Variants in EYA1 observed in about 807,000 individuals in gnomAD.
EYA1 encodes the protein EYA transcriptional coactivator and phosphatase 1.
EYA1 carries 16 observed loss-of-function variants against 82.0 expected under a neutral mutation model. The observed-to-expected ratio is 0.20, with a 90% CI of 0.13 to 0.30. The LOEUF (loss-of-function observed/expected upper bound fraction) is 0.30, where lower values mean the gene tolerates loss of function less well. Among genes scored for constraint, EYA1 ranks in the 10% least tolerant of loss-of-function variants. The pLI is 1.00. For synonymous variants in EYA1, 261 were observed against 264.4 expected (o/e 0.99, Z 0.12); for missense variants, 633 against 730.7 (o/e 0.87, Z 1.54).
intron 2 of EYA1, among the ~76,000 whole-genome samples, chr8:71,527,242 G>A (rs1348658874): frequency 6.6e-6 from 1 of 152,154 alleles, no homozygotes; most frequent in African/African-American, 2.4e-5. Flanking sequence ...ACCAAACTGA[G>A]TACTTGAGTT....
intron 4 of EYA1, among the ~76,000 whole-genome samples, chr8:71,323,741 C>T (rs139159732): frequency 1.6e-4 from 25 of 152,168 alleles, no homozygotes; most frequent in East Asian, 1.2e-3. Context: ...GCTGCACGTG[C>T]GAAGGTGCAA....
chr8:71,314,989 C>CT lies in EYA1; in HGVS notation c.556+2562dup, dbSNP rs11287424. Among the ~76,000 whole-genome samples, 94 of 151,920 alleles carry CT rather than the reference C, an allele frequency of 6.2e-4. 1 individual carries two copies. Among genetic ancestry groups the CT allele is most frequent in the African/African-American group, 2.2e-3 (92 of 41,434 alleles). ...TTCCTTTTCTACTCATTCATTTCCC[C>CT]TTTTTTATGCACTATACTGTAATGG... is the stretch of plus-strand genomic sequence containing the variant. On this transcript the variant is annotated intron_variant, in intron 7 of 17. Coordinates refer to ENST00000340726, the MANE Select transcript of EYA1 (RefSeq NM_000503.6).
At position 71,322,350 on chromosome 8, in the gene EYA1, A is replaced by T. The variant is rs1021568926; in HGVS notation, c.203-82T>A. Reference sequence around the variant, plus strand: ...ATATAGAAAGCACTGACATATTTTCAACTATAGGTTGGCCATATGAAATTT... The same window carrying T: ...ATATAGAAAGCACTGACATATTTTCTACTATAGGTTGGCCATATGAAATTT... On this transcript the variant is annotated intron_variant, in intron 4 of 17. Coordinates refer to ENST00000340726, the MANE Select transcript of EYA1 (RefSeq NM_000503.6). The T allele has an allele frequency of 3.3e-6, 4 of 1,221,570 alleles. No individual in the cohort carries two copies. The African/African-American group carries it at 5.9e-5, about 18-fold the overall frequency. The allele number at this position is 1,221,570 out of a possible 1,614,324, so 75.7% of individuals were successfully genotyped here. A position where few individuals can be genotyped will look rare whatever the true frequency, so the allele number is the denominator to read the frequency against.
At chr8:71,394,839 G>C (rs1162756791) in intron 2 of EYA1, among the ~76,000 whole-genome samples, 1 of 152,162 alleles carries the variant, frequency 6.6e-6, no homozygotes, top group Non-Finnish European at 1.5e-5. Flanking sequence ...AAAGTCATTG[G>C]TAGCTTGATG....
chr8:71,347,518 T>C (rs796903827), intron 3 of EYA1, among the ~76,000 whole-genome samples: 16 of 152,110 alleles, frequency 1.1e-4, no homozygotes, highest in African/African-American at 3.9e-4. Flanking sequence ...GAGACGGGGT[T>C]TCACCTTGTT....
intron 4 of EYA1, among the ~76,000 whole-genome samples, chr8:71,330,146 T>C (rs936165788): frequency 1.3e-5 from 2 of 152,168 alleles, no homozygotes; most frequent in African/African-American, 4.8e-5. Flanking sequence ...GTGGGCTTTT[T>C]AAGGATTTGG....
At chr8:71,256,401 A>G (rs548135090) in intron 11 of EYA1, among the ~76,000 whole-genome samples, 16 of 152,354 alleles carry the variant, frequency 1.1e-4, no homozygotes, top group African/African-American at 3.6e-4. Context: ...CTGACATGTT[A>G]TAACACGGAT....
At chr8:71,276,175 G>C (rs1421708580) in intron 9 of EYA1, among the ~76,000 whole-genome samples, 1 of 152,164 alleles carries the variant, frequency 6.6e-6, no homozygotes, top group Non-Finnish European at 1.5e-5. Context: ...TTAGTAACAT[G>C]GTCGATTACA....
chr8:71,246,232 T>C lies in EYA1; in HGVS notation c.1051-1540A>G, dbSNP rs540992958. 5.3e-5 allele frequency among the ~76,000 whole-genome samples: 8 copies of C among 152,334 alleles called. No homozygotes were observed. The East Asian group carries it at 1.3e-3, about 26-fold the overall frequency. On this transcript the variant is annotated intron_variant, in intron 11 of 17. Coordinates refer to ENST00000340726, the MANE Select transcript of EYA1 (RefSeq NM_000503.6). ...TTCCAAAGAACAATAATTTATGATATACTATTTTATTGTCACGGCAAACCT... is the reference window on the plus strand; with the variant it reads ...TTCCAAAGAACAATAATTTATGATACACTATTTTATTGTCACGGCAAACCT...
intron 11 of EYA1, among the ~76,000 whole-genome samples, chr8:71,249,829 T>A (rs1437648442): frequency 6.6e-6 from 1 of 152,126 alleles, no homozygotes; most frequent in East Asian, 1.9e-4. Context: ...CACCTGAAAT[T>A]CAATGTGTGG....
chr8:71,463,252 C>T (rs1436583583), intron 2 of EYA1, among the ~76,000 whole-genome samples: 24 of 152,122 alleles, frequency 1.6e-4, no homozygotes, highest in Admixed American at 1.6e-3. Flanking sequence ...TTTTCTCATC[C>T]ACAGTTTCAG....
At chr8:71,365,190 A>C (rs1046869479), upstream of EYA1, among the ~76,000 whole-genome samples, 1 of 151,752 alleles carries the variant, frequency 6.6e-6, no homozygotes, top group African/African-American at 2.4e-5. Context: ...AATAAACACG[A>C]GAAAACAAAG....
chr8:71,318,384 T>A (rs1417061195), intron 6 of EYA1, among the ~76,000 whole-genome samples: 1 of 152,232 alleles, frequency 6.6e-6, no homozygotes, highest in Non-Finnish European at 1.5e-5. Flanking sequence ...TTTGTCCCTG[T>A]TAGTGTGAAA....
intron 3 of EYA1, among the ~76,000 whole-genome samples, chr8:71,339,814 A>AGTC (rs1311700939): frequency 6.6e-6 from 1 of 152,150 alleles, no homozygotes. Flanking sequence ...TCTTTTTATC[A>AGTC]TTGTTCAATA....
intron 11 of EYA1, among the ~76,000 whole-genome samples, chr8:71,268,518 C>T (rs939197295): frequency 2.0e-5 from 3 of 152,180 alleles, no homozygotes; most frequent in African/African-American, 7.2e-5. Flanking sequence ...GTGCTAATCA[C>T]GCAGTAGAGA....
chr8:71,528,065 C>A (rs1813951657), intron 2 of EYA1, among the ~76,000 whole-genome samples: 1 of 152,098 alleles, frequency 6.6e-6, no homozygotes, highest in Non-Finnish European at 1.5e-5. Flanking sequence ...TCCACATGCC[C>A]CAATTGCTAA....
intron 9 of EYA1, among the ~76,000 whole-genome samples, chr8:71,286,695 C>T (rs1818406647): frequency 6.6e-6 from 1 of 150,922 alleles, no homozygotes; most frequent in African/African-American, 2.4e-5. Context: ...CAATGATATT[C>T]CTCAAAAATC....
chr8:71,529,823 A>G (rs1350098207), intron 2 of EYA1: 1 of 152,158 alleles, frequency 6.6e-6, no homozygotes, highest in Non-Finnish European at 1.5e-5. Flanking sequence ...AAGAAAAAAA[A>G]ATTACCTGAA....
chr8:71,525,238 C>T (rs569539854), intron 2 of EYA1, among the ~76,000 whole-genome samples: 17 of 152,236 alleles, frequency 1.1e-4, no homozygotes, highest in African/African-American at 3.1e-4. Flanking sequence ...ACTGAATTAA[C>T]GTGGTAAGAA....
Sources: allele counts gnomAD v4.1 joint callset (sites outside exome capture counted in the v4.1 genomes callset), GRCh38; gene constraint gnomAD v4.1.1; transcripts MANE v1.5; gene names NCBI Gene and HGNC (gene_info 2026-07-23, HGNC 2026-07-21).